Variants in PCDH7 observed in about 807,000 individuals in gnomAD.
The protein encoded by PCDH7 is protocadherin 7.
PCDH7 carries 17 observed loss-of-function variants against 58.9 expected under a neutral mutation model. The observed-to-expected ratio is 0.29, with a 90% confidence interval of 0.20 to 0.43. PCDH7 has a LOEUF of 0.43. PCDH7 is among the 20% of genes least tolerant of loss of function. The pLI, the probability that PCDH7 is intolerant of heterozygous loss-of-function variation, is 1.00. For missense variants in PCDH7, 1,274 were observed against 1,441.0 expected (o/e 0.88, Z 1.88); for synonymous variants, 664 against 616.4 (o/e 1.08, Z -1.14).
chr4:31,000,512 C>G (rs535411583), intron 3 of PCDH7, among the ~76,000 whole-genome samples: 12 of 151,864 alleles, frequency 7.9e-5, no homozygotes, highest in Non-Finnish European at 1.8e-4. Flanking sequence ...TTTCTATGTC[C>G]TTAGTATTTA....
chr4:30,894,238 C>G (rs891860595), intron 1 of PCDH7, among the ~76,000 whole-genome samples: 3 of 151,486 alleles, frequency 2.0e-5, no homozygotes, highest in South Asian at 4.2e-4. Flanking sequence ...GACAATAGCA[C>G]CCAGAAGAAA....
chr4:30,836,289 G>A (rs1463378027), intron 1 of PCDH7, among the ~76,000 whole-genome samples: 1 of 152,134 alleles, frequency 6.6e-6, no homozygotes, highest in African/African-American at 2.4e-5. Flanking sequence ...GTTTACTAGT[G>A]ACAATGGGAA....
intron 1 of PCDH7, among the ~76,000 whole-genome samples, chr4:30,898,861 G>A (rs1430275357): frequency 1.3e-5 from 2 of 152,106 alleles, no homozygotes; most frequent in African/African-American, 2.4e-5. Context: ...AAAGTGCTGG[G>A]ATTACAGGCG....
intron 2 of PCDH7, among the ~76,000 whole-genome samples, chr4:30,936,556 G>A (rs954883932): frequency 6.6e-6 from 1 of 151,984 alleles, no homozygotes; most frequent in African/African-American, 2.4e-5. Context: ...CATTGTTTAA[G>A]GCCGGCAATA....
chr4:30,774,302 G>A (rs1721789120), intron 1 of PCDH7, among the ~76,000 whole-genome samples: 1 of 152,154 alleles, frequency 6.6e-6, no homozygotes, highest in Admixed American at 6.5e-5. Flanking sequence ...AAGTTACACA[G>A]CAAGTTAGTG....
intron 3 of PCDH7, among the ~76,000 whole-genome samples, chr4:31,085,835 T>C (rs1454594298): frequency 6.9e-6 from 1 of 144,046 alleles, no homozygotes; most frequent in Admixed American, 7.2e-5. Flanking sequence ...CATCAGACTC[T>C]TTTCTCTCTC....
intron 3 of PCDH7, among the ~76,000 whole-genome samples, chr4:31,057,167 T>A (rs1009169002): frequency 6.6e-6 from 1 of 152,220 alleles, no homozygotes; most frequent in Non-Finnish European, 1.5e-5. Flanking sequence ...AAAATAGTTT[T>A]ACTTTCATAA....
At chr4:30,759,551 G>A (rs1340983864) in intron 1 of PCDH7, among the ~76,000 whole-genome samples, 6 of 152,088 alleles carry the variant, frequency 3.9e-5, no homozygotes, top group Non-Finnish European at 8.8e-5. Context: ...TGAAAAGATA[G>A]AAGTTGAATA....
At chr4:31,055,008 C>T (rs1757035275) in intron 3 of PCDH7, among the ~76,000 whole-genome samples, 1 of 152,028 alleles carries the variant, frequency 6.6e-6, no homozygotes, top group Non-Finnish European at 1.5e-5. Flanking sequence ...TTTTTTATAG[C>T]ATTACCTCTA....
chr4:31,120,411 G>T (rs1297623687), intron 3 of PCDH7, among the ~76,000 whole-genome samples: 76 of 82,140 alleles, frequency 9.3e-4, no homozygotes, highest in East Asian at 1.3e-3. Context: ...TTTCAGTCTT[G>T]TCTTTCGTTG....
chr4:31,075,594 A>G (rs1167948012), intron 3 of PCDH7, among the ~76,000 whole-genome samples: 4 of 152,320 alleles, frequency 2.6e-5, no homozygotes, highest in Non-Finnish European at 2.9e-5. Context: ...AAAGGTGTGG[A>G]TTATGACTTG....
chr4:31,140,502 A>G (rs1720115295), intron 3 of PCDH7, among the ~76,000 whole-genome samples: 1 of 151,516 alleles, frequency 6.6e-6, no homozygotes, highest in Non-Finnish European at 1.5e-5. Context: ...AATTTGTTGA[A>G]GCAGTGAAAA....
At chr4:31,016,275 G>A (rs907404146) in intron 3 of PCDH7, among the ~76,000 whole-genome samples, 1 of 152,162 alleles carries the variant, frequency 6.6e-6, no homozygotes, top group Non-Finnish European at 1.5e-5. Flanking sequence ...TAAGAAACAG[G>A]TTGTGAACAT....
intron 3 of PCDH7, among the ~76,000 whole-genome samples, chr4:31,041,078 C>A (rs766600970): frequency 7.2e-5 from 11 of 152,168 alleles, no homozygotes; most frequent in Non-Finnish European, 1.2e-4. Context: ...CCTTAAAATT[C>A]TGTAATACTT....
chr4:30,944,956 A>T (rs1471601074), intron 2 of PCDH7, among the ~76,000 whole-genome samples: 1 of 152,144 alleles, frequency 6.6e-6, no homozygotes, highest in African/African-American at 2.4e-5. Flanking sequence ...TCAATTAAGC[A>T]AAATATTATA....
intron 3 of PCDH7, among the ~76,000 whole-genome samples, chr4:30,951,520 A>G (rs1431623375): frequency 6.6e-6 from 1 of 152,074 alleles, no homozygotes; most frequent in Non-Finnish European, 1.5e-5. Context: ...AGAGGGTGCA[A>G]TCTTTCATGT....
chr4:30,891,122 C>T (rs1233753619), intron 1 of PCDH7, among the ~76,000 whole-genome samples: 1 of 151,956 alleles, frequency 6.6e-6, no homozygotes, highest in African/African-American at 2.4e-5. Flanking sequence ...TCTAATTGCC[C>T]CTCTCATTTT....
chr4:31,140,322 A>G (rs573506372), intron 3 of PCDH7, among the ~76,000 whole-genome samples: 2 of 152,276 alleles, frequency 1.3e-5, no homozygotes, highest in East Asian at 3.9e-4. Context: ...GTGAAATGAC[A>G]TATTGTGTGA....
intron 1 of PCDH7, among the ~76,000 whole-genome samples, chr4:30,738,911 A>G (rs916865398): frequency 6.6e-6 from 1 of 151,860 alleles, no homozygotes; most frequent in African/African-American, 2.4e-5. Flanking sequence ...GCATATGGAA[A>G]CTGCCAGGCA....
Sources: allele counts gnomAD v4.1 joint callset (sites outside exome capture counted in the v4.1 genomes callset), GRCh38; gene constraint gnomAD v4.1.1; transcripts MANE v1.5; gene names NCBI Gene and HGNC (gene_info 2026-07-23, HGNC 2026-07-21).